The following GIGYF2 variants were observed in gnomAD, a reference collection of about 807,000 sequenced individuals.
The protein encoded by GIGYF2 is GRB10 interacting GYF protein 2.
Under a neutral mutation model 208.1 loss-of-function variants are expected in GIGYF2, and 25 were observed. The ratio of observed to expected loss-of-function variants is 0.12; its 90% CI spans 0.09 to 0.17. GIGYF2 has a LOEUF of 0.17. Among genes scored for constraint, GIGYF2 ranks in the 10% least tolerant of loss-of-function variants. The probability of loss-of-function intolerance (pLI) is 1.00; values close to 1 mark genes in which losing one functional copy is unlikely to be tolerated. For synonymous variants in GIGYF2, 534 were observed against 543.8 expected (o/e 0.98, Z 0.25); for missense variants, 1,302 against 1,579.4 (o/e 0.82, Z 2.98).
At chr2:232,837,600 G>A (rs751131331) in intron 22 of GIGYF2, among the ~76,000 whole-genome samples, 1 of 151,924 alleles carries the variant, frequency 6.6e-6, no homozygotes, top group Non-Finnish European at 1.5e-5. Flanking sequence ...GATTAAAGGT[G>A]TGCGTCACCA....
chr2:232,821,083 A>C (rs1464399225), intron 21 of GIGYF2, among the ~76,000 whole-genome samples: 4 of 152,076 alleles, frequency 2.6e-5, no homozygotes, highest in African/African-American at 9.7e-5. Flanking sequence ...TGCCTGCCTC[A>C]GCCTCCCAAA....
intron 8 of GIGYF2, among the ~76,000 whole-genome samples, chr2:232,762,848 T>G (rs1698802482): frequency 6.6e-6 from 1 of 151,994 alleles, no homozygotes; most frequent in Non-Finnish European, 1.5e-5. Flanking sequence ...AAACCATGTC[T>G]CTACAAAAAA....
At chr2:232,698,683 G>A (rs145061931) in intron 1 of GIGYF2, among the ~76,000 whole-genome samples, 1,783 of 152,304 alleles carry the variant, frequency 0.012, 22 homozygotes, top group Non-Finnish European at 0.018. Context: ...TTTTACATCA[G>A]ATGTTGACAA....
intron 15 of GIGYF2, among the ~76,000 whole-genome samples, chr2:232,807,489 CT>C (rs1700594577): frequency 6.6e-6 from 1 of 152,168 alleles, no homozygotes; most frequent in African/African-American, 2.4e-5. Context: ...CACCGCTGCA[CT>C]GCAGCTTGGG....
At chr2:232,791,904 C>T (rs889679779) in intron 12 of GIGYF2, among the ~76,000 whole-genome samples, 22 of 152,194 alleles carry the variant, frequency 1.4e-4, no homozygotes, top group African/African-American at 5.3e-4. Context: ...AAACATATCT[C>T]TTTCAGTTGT....
chr2:232,762,246 T>C (rs2106327213), intron 8 of GIGYF2, among the ~76,000 whole-genome samples: 1 of 148,846 alleles, frequency 6.7e-6, no homozygotes, highest in East Asian at 2.0e-4. Flanking sequence ...TTGTTTTTTT[T>C]TTTGTTTTTT....
chr2:232,788,705 A>G (rs1699988442), intron 9 of GIGYF2: 1 of 317,230 alleles, frequency 3.2e-6, no homozygotes, highest in South Asian at 2.9e-5. Flanking sequence ...TTGGTTATAT[A>G]TTATCTTCTT....
intron 18 of GIGYF2, among the ~76,000 whole-genome samples, chr2:232,812,787 C>T (rs1462846445): frequency 2.6e-5 from 4 of 151,408 alleles, no homozygotes; most frequent in South Asian, 2.1e-4. Flanking sequence ...TTAGCCAGAT[C>T]GGGAAAAAAA....
intron 3 of GIGYF2, among the ~76,000 whole-genome samples, chr2:232,738,728 G>T (rs1247046077): frequency 6.6e-6 from 1 of 152,170 alleles, no homozygotes; most frequent in Admixed American, 6.5e-5. Flanking sequence ...TATTGTAAAT[G>T]ATATGTATAT....
chr2:232,760,836 G>A (rs896502633), intron 7 of GIGYF2, among the ~76,000 whole-genome samples: 2 of 150,372 alleles, frequency 1.3e-5, no homozygotes, highest in African/African-American at 2.5e-5. Context: ...GTATTTGATA[G>A]CAAATACCAA....
chr2:232,802,038 G>A (rs911772641), intron 14 of GIGYF2, among the ~76,000 whole-genome samples: 2 of 152,064 alleles, frequency 1.3e-5, no homozygotes, highest in South Asian at 4.1e-4. Context: ...ATTGTAAGGG[G>A]AATTTTTTTC....
At chr2:232,735,284 C>T in intron 3 of GIGYF2, 46 bp downstream of exon 3, 1 of 1,351,066 alleles carries the variant, frequency 7.4e-7, no homozygotes, top group Non-Finnish European at 1.1e-6. Flanking sequence ...ATGACTAATA[C>T]AGTAGTAAAG....
At chr2:232,749,524 T>A (rs1698263529) in intron 5 of GIGYF2, among the ~76,000 whole-genome samples, 2 of 152,008 alleles carry the variant, frequency 1.3e-5, no homozygotes, top group South Asian at 2.1e-4. Flanking sequence ...TGTGTGTGTG[T>A]GAGAGAGAGA....
intron 8 of GIGYF2, among the ~76,000 whole-genome samples, chr2:232,763,567 G>C (rs1171405168): frequency 6.6e-6 from 1 of 152,168 alleles, no homozygotes; most frequent in Non-Finnish European, 1.5e-5. Flanking sequence ...GCTCGCACCT[G>C]TAATCCTAGA....
intron 25 of GIGYF2, among the ~76,000 whole-genome samples, chr2:232,844,780 T>C (rs1701942949): frequency 6.6e-6 from 1 of 152,228 alleles, no homozygotes; most frequent in Non-Finnish European, 1.5e-5. Flanking sequence ...GGGCTCCTGC[T>C]GAGCACTTAT....
At chr2:232,763,183 A>C (rs958652392) in intron 8 of GIGYF2, among the ~76,000 whole-genome samples, 1 of 152,148 alleles carries the variant, frequency 6.6e-6, no homozygotes, top group Non-Finnish European at 1.5e-5. Context: ...TACTTTTGCC[A>C]TGAATATGTA....
intron 8 of GIGYF2, among the ~76,000 whole-genome samples, chr2:232,772,579 A>AT (rs1699312016): frequency 6.6e-6 from 1 of 152,228 alleles, no homozygotes; most frequent in Non-Finnish European, 1.5e-5. Context: ...TAGAAATCTA[A>AT]TGTGTGCCTT....
chr2:232,852,316 C>T (rs1011037542), intron 28 of GIGYF2, among the ~76,000 whole-genome samples: 3 of 152,042 alleles, frequency 2.0e-5, no homozygotes, highest in South Asian at 2.1e-4. Context: ...GAGGCTGAGG[C>T]GGGTGGATCG....
intron 26 of GIGYF2, 29 bp from the exon 27 acceptor site, chr2:232,847,318 AC>A: frequency 6.2e-7 from 1 of 1,604,856 alleles, no homozygotes; most frequent in Non-Finnish European, 8.5e-7. Flanking sequence ...TTTCATTGTT[AC>A]CCTTATCTTC....
Sources: allele counts gnomAD v4.1 joint callset (sites outside exome capture counted in the v4.1 genomes callset), GRCh38; gene constraint gnomAD v4.1.1; transcripts MANE v1.5; gene names NCBI Gene and HGNC (gene_info 2026-07-23, HGNC 2026-07-21).